Variants in CSMD1 observed in about 807,000 individuals in gnomAD.
CSMD1 encodes CUB and sushi domain-containing protein 1.
Under a neutral mutation model 417.5 loss-of-function variants are expected in CSMD1, and 213 were observed. The ratio of observed to expected loss-of-function variants is 0.51; its 90% CI spans 0.46 to 0.57. The LOEUF is 0.57. Among genes scored for constraint, CSMD1 ranks in the 20% least tolerant of loss-of-function variants. CSMD1 has a pLI of 0.00. For synonymous variants in CSMD1, 2,862 were observed against 1,736.8 expected (o/e 1.65, Z -16.11); for missense variants, 6,923 against 4,529.7 (o/e 1.53, Z -15.17).
chr8:3,728,117 C>T (rs1009415490), intron 6 of CSMD1, among the ~76,000 whole-genome samples: 1 of 152,150 alleles, frequency 6.6e-6, no homozygotes, highest in Non-Finnish European at 1.5e-5. Flanking sequence ...CCATAATTCC[C>T]ACGTGCGATG....
At chr8:4,261,934 T>C (rs1457059830) in intron 3 of CSMD1, among the ~76,000 whole-genome samples, 2 of 152,170 alleles carry the variant, frequency 1.3e-5, no homozygotes, top group African/African-American at 2.4e-5. Flanking sequence ...ATGAATGATA[T>C]GGCAATGTAA....
At chr8:3,836,860 T>C (rs1367226246) in intron 5 of CSMD1, among the ~76,000 whole-genome samples, 1 of 152,194 alleles carries the variant, frequency 6.6e-6, no homozygotes, top group African/African-American at 2.4e-5. Flanking sequence ...ATGTTAAGTA[T>C]TTAATATAAC....
chr8:3,929,074 C>T (rs765712109), intron 5 of CSMD1, among the ~76,000 whole-genome samples: 1 of 150,372 alleles, frequency 6.7e-6, no homozygotes, highest in Non-Finnish European at 1.5e-5. Context: ...AAATTAAAAG[C>T]ACAGAGAATA....
chr8:3,755,604 G>C (rs977960763), intron 5 of CSMD1, among the ~76,000 whole-genome samples: 1 of 152,090 alleles, frequency 6.6e-6, no homozygotes, highest in South Asian at 2.1e-4. Flanking sequence ...CCTACGAAAT[G>C]GGTCACCTGT....
intron 41 of CSMD1, among the ~76,000 whole-genome samples, chr8:3,140,777 C>G (rs961739927): frequency 6.6e-6 from 1 of 151,428 alleles, no homozygotes; most frequent in African/African-American, 2.4e-5. Flanking sequence ...CTCATTTGAT[C>G]TAGCAATATT....
intron 10 of CSMD1, among the ~76,000 whole-genome samples, chr8:3,530,566 A>G (rs1033683561): frequency 6.6e-6 from 1 of 152,136 alleles, no homozygotes; most frequent in Non-Finnish European, 1.5e-5. Context: ...CTGTTCCCCA[A>G]GCTGGAATGC....
intron 3 of CSMD1, among the ~76,000 whole-genome samples, chr8:4,200,870 A>G (rs1285376870): frequency 1.4e-5 from 2 of 145,974 alleles, no homozygotes; most frequent in Non-Finnish European, 2.9e-5. Flanking sequence ...AATAATGATG[A>G]TAATAATAAT....
At chr8:4,026,847 G>A (rs1321032445) in intron 4 of CSMD1, among the ~76,000 whole-genome samples, 2 of 152,194 alleles carry the variant, frequency 1.3e-5, no homozygotes, top group South Asian at 2.1e-4. Context: ...CTGTGGCAGT[G>A]TAAAAACCTG....
At chr8:3,926,094 C>CACACACAAACACCATACAT (rs1563218195) in intron 5 of CSMD1, among the ~76,000 whole-genome samples, 5 of 59,918 alleles carry the variant, frequency 8.3e-5, no homozygotes, top group African/African-American at 5.1e-4. Context: ...CACACACACA[C>CACACACAAACACCATACAT]ACACACACAC....
At chr8:4,183,616 A>T (rs980530488) in intron 3 of CSMD1, among the ~76,000 whole-genome samples, 1 of 152,226 alleles carries the variant, frequency 6.6e-6, no homozygotes. Context: ...TTTTAAAATG[A>T]TTCTGTCAAA....
chr8:4,731,603 TAAA>T (rs1301721036), intron 1 of CSMD1, among the ~76,000 whole-genome samples: 1 of 152,158 alleles, frequency 6.6e-6, no homozygotes, highest in East Asian at 1.9e-4. Context: ...TAAAACTGAA[TAAA>T]AATCAACCCA....
intron 29 of CSMD1, among the ~76,000 whole-genome samples, chr8:3,217,019 C>T (rs942124118): frequency 6.6e-6 from 1 of 152,064 alleles, no homozygotes; most frequent in Admixed American, 6.6e-5. Context: ...CATCATTTCT[C>T]CAGGCTAGAT....
Position 2,973,073 on chromosome 8 carries a change from G to C in CSMD1, c.8923+44C>G, listed in dbSNP as rs763400438. 22 of 1,582,742 alleles carry C rather than the reference G, an allele frequency of 1.4e-5. No homozygotes were observed. The African/African-American group carries it at 2.8e-4, about 20-fold the overall frequency. ...CCAGGCATTTTAGAACGAGCTGTGT[G>C]GTTTTAACTTTCAAGGTGGACCTTA... On this transcript the variant is annotated intron_variant, in intron 57 of 69. Coordinates refer to ENST00000635120, the MANE Select transcript of CSMD1 (RefSeq NM_033225.6).
rs190904600 is a variant in CSMD1, at chr8:3,493,670, C to T, written c.1401G>A (p.Thr467=). The T allele has an allele frequency of 1.8e-4, 286 of 1,612,396 alleles. 1 individual carries two copies. The East Asian group carries it at 2.8e-3, about 16-fold the overall frequency. The change falls in exon 11 of 70, where the codon ACG becomes ACA. Residue 467 remains threonine (T), a synonymous_variant. Transcript: ENST00000635120. ...FELERGYDTL[T]VGDAGKVGDT... is the part of the protein sequence containing the mutation. ...CTCCCACCTTCCCAGCATCACCAAC[C>T]GTCAGGGTGTCATAGCCTCGCTCCA... is the stretch of plus-strand genomic sequence containing the variant.
At chr8:3,921,702 C>T (rs931840800) in intron 5 of CSMD1, among the ~76,000 whole-genome samples, 1 of 151,916 alleles carries the variant, frequency 6.6e-6, no homozygotes, top group Non-Finnish European at 1.5e-5. Context: ...ACTAATTTTC[C>T]TCCTCTCCCT....
At chr8:3,010,329 T>C (rs1808287308) in intron 52 of CSMD1, among the ~76,000 whole-genome samples, 1 of 152,216 alleles carries the variant, frequency 6.6e-6, no homozygotes, top group African/African-American at 2.4e-5. Context: ...ACTTCCCCTA[T>C]TGGACTGTGA....
intron 2 of CSMD1, among the ~76,000 whole-genome samples, chr8:4,524,876 C>T (rs932606121): frequency 1.3e-5 from 2 of 151,852 alleles, no homozygotes; most frequent in Non-Finnish European, 2.9e-5. Context: ...TTAATTTTAC[C>T]ATGACTTCTA....
Position 4,241,734 on chromosome 8 carries a change from C to T in CSMD1, c.415+178219G>A, listed in dbSNP as rs151102693. On this transcript the variant is annotated intron_variant, in intron 3 of 69. Transcript: ENST00000635120. The stretch of plus-strand genomic sequence containing the variant: ...TTTTTTTTTTTTTGAGACGGAGTCT[C>T]GCTCTGTCGCCCAGGCTGGAGTGCA... 2.1e-3 allele frequency among the ~76,000 whole-genome samples: 311 copies of T among 148,712 alleles called. 8 individuals carry two copies. In the East Asian group the frequency reaches 0.04, roughly 19 times the overall value.
intron 1 of CSMD1, 65 bp from the exon 2 acceptor site, chr8:4,637,623 A>C (rs1484026680): frequency 2.0e-6 from 2 of 1,008,068 alleles, no homozygotes; most frequent in Non-Finnish European, 2.9e-6. Flanking sequence ...TGATTTAAAA[A>C]ATTTCTAAAC....
Sources: gnomAD v4.1 joint callset for allele counts (sites outside exome capture counted in the v4.1 genomes callset) on GRCh38, gnomAD v4.1.1 for gene constraint, MANE v1.5 for transcripts, NCBI Gene and HGNC (gene_info 2026-07-23, HGNC 2026-07-21) for gene names.